The following GRIN2A variants were observed in gnomAD, a reference collection of about 807,000 sequenced individuals.
The protein encoded by GRIN2A is glutamate receptor ionotropic, NMDA 2A.
A neutral mutation model predicts 113.4 loss-of-function variants in GRIN2A; 22 were observed. The ratio of observed to expected loss-of-function variants is 0.19; its 90% CI spans 0.14 to 0.28. The LOEUF (loss-of-function observed/expected upper bound fraction) is 0.28, where lower values mean the gene tolerates loss of function less well. Among genes scored for constraint, GRIN2A ranks in the 10% least tolerant of loss-of-function variants. GRIN2A has a pLI of 1.00. For synonymous variants in GRIN2A, 827 were observed against 738.4 expected, an observed-to-expected ratio of 1.12 and a Z score of -1.94; for missense variants, 1,502 against 1,887.0, an observed-to-expected ratio of 0.80 and a Z score of 3.78.
intron 2 of GRIN2A, among the ~76,000 whole-genome samples, chr16:10,113,102 GC>G (rs78596601): frequency 0.25 from 37,745 of 151,586 alleles, 4,869 homozygotes; most frequent in East Asian, 0.4. Context: ...GCCTGGGGGC[GC>G]CCCCCAGCCC....
At chr16:10,143,561 G>C (rs565779100) in intron 2 of GRIN2A, among the ~76,000 whole-genome samples, 53 of 152,122 alleles carry the variant, frequency 3.5e-4, no homozygotes, top group Non-Finnish European at 4.6e-4. Flanking sequence ...CAATACAGGA[G>C]TTCTTTTAAT....
intron 2 of GRIN2A, among the ~76,000 whole-genome samples, chr16:10,119,184 A>AAG (rs2048784878): frequency 6.6e-6 from 1 of 152,204 alleles, no homozygotes; most frequent in Non-Finnish European, 1.5e-5. Flanking sequence ...GCTAAGGGAA[A>AAG]AAAAGCCCAT....
rs561205619 is a variant in GRIN2A at position 9,930,451 on chromosome 16, GTTCC to G, written c.1007+7504_1007+7507del. ...CATAGCTTTGGGAAAAATGATTTGT[GTTCC>G]TCTGGATTCTCTCACCTCGTATCTC... On this transcript the variant is annotated intron_variant, in intron 3 of 12. Transcript: ENST00000330684. 1.0e-3 allele frequency among the ~76,000 whole-genome samples: 159 copies of G among 152,292 alleles called. 1 individual carries two copies. Among genetic ancestry groups the G allele is most frequent in the Middle Eastern group, 6.8e-3 (2 of 294 alleles).
chr16:9,993,689 C>T (rs959111327), intron 2 of GRIN2A, among the ~76,000 whole-genome samples: 25 of 152,152 alleles, frequency 1.6e-4, no homozygotes, highest in African/African-American at 6.0e-4. Context: ...AACAAAGACA[C>T]AGAGGAAATG....
At chr16:9,911,676 A>G (rs1189452860) in intron 3 of GRIN2A, among the ~76,000 whole-genome samples, 1 of 152,218 alleles carries the variant, frequency 6.6e-6, no homozygotes, top group Non-Finnish European at 1.5e-5. Flanking sequence ...TTGGAAAAAC[A>G]TAGCTCTACA....
At chr16:10,075,043 G>A (rs548247044) in intron 2 of GRIN2A, among the ~76,000 whole-genome samples, 1 of 152,238 alleles carries the variant, frequency 6.6e-6, no homozygotes, top group East Asian at 1.9e-4. Flanking sequence ...ACAGCCCAGT[G>A]TAGGCATTGA....
intron 2 of GRIN2A, among the ~76,000 whole-genome samples, chr16:10,030,382 C>T (rs979657593): frequency 3.3e-5 from 5 of 152,132 alleles, no homozygotes; most frequent in Non-Finnish European, 7.4e-5. Flanking sequence ...TGAGACACTG[C>T]CTCCTTGGAA....
In GRIN2A at chr16:9,870,834, C is replaced by T. The variant is rs193060850; in HGVS notation, c.1122+20152G>A. ...TTGTATTTTAGTAGAGACAGGGTTT[C>T]ACTGTGTTGCCCAGGTTGGTCTCGA... is the stretch of plus-strand genomic sequence containing the variant. On this transcript the variant is annotated intron_variant, in intron 4 of 12. Transcript: ENST00000330684. 1.1e-4 allele frequency among the ~76,000 whole-genome samples: 16 copies of T among 152,134 alleles called. No homozygotes were observed. In the East Asian group the frequency reaches 3.1e-3, roughly 29 times the overall value.
At chr16:9,991,542 C>T (rs1280274901) in intron 2 of GRIN2A, among the ~76,000 whole-genome samples, 2 of 152,206 alleles carry the variant, frequency 1.3e-5, no homozygotes, top group African/African-American at 2.4e-5. Context: ...TCTCATTCTT[C>T]ACCTCCTCCC....
At chr16:10,081,537 C>A (rs2047982897) in intron 2 of GRIN2A, among the ~76,000 whole-genome samples, 1 of 152,172 alleles carries the variant, frequency 6.6e-6, no homozygotes, top group African/African-American at 2.4e-5. Context: ...ATGATTGAGG[C>A]ATTAAGAAAG....
At chr16:9,987,567 C>T (rs1046746986) in intron 2 of GRIN2A, among the ~76,000 whole-genome samples, 8 of 152,186 alleles carry the variant, frequency 5.3e-5, no homozygotes, top group Non-Finnish European at 1.0e-4. Context: ...CAAAAAATAT[C>T]TAGTCAGCTC....
intron 2 of GRIN2A, among the ~76,000 whole-genome samples, chr16:10,011,680 T>C (rs994927496): frequency 1.3e-5 from 2 of 152,102 alleles, no homozygotes; most frequent in Admixed American, 6.6e-5. Flanking sequence ...TGCTAATTAA[T>C]TATTTTTTTT....
In GRIN2A at chr16:9,761,577, T is replaced by C. The variant is rs1281290411; in HGVS notation, c.*1572A>G. The C allele has an allele frequency of 4.4e-6, 1 of 229,022 alleles. No homozygotes were observed. The highest frequency in any genetic ancestry group is 8.7e-6 in the Non-Finnish European group (1 of 115,574). 14.2% of individuals were successfully genotyped at this position (229,022 alleles called of 1,614,324 possible). On this transcript the variant is annotated 3_prime_UTR_variant, in exon 13 of 13. Coordinates refer to ENST00000330684, the MANE Select transcript of GRIN2A (RefSeq NM_001134407.3). ...ATATTATTTGCTGGTTTTATGATAT[T>C]TAATTTTTAAACTAGAAAATCCTGA...
At chr16:10,146,146 C>T (rs1201669013) in intron 2 of GRIN2A, among the ~76,000 whole-genome samples, 1 of 152,100 alleles carries the variant, frequency 6.6e-6, no homozygotes, top group East Asian at 1.9e-4. Flanking sequence ...GAGATGGAGT[C>T]TCGCTCTGTC....
chr16:10,016,368 G>T (rs956387391), intron 2 of GRIN2A, among the ~76,000 whole-genome samples: 1 of 150,912 alleles, frequency 6.6e-6, no homozygotes, highest in African/African-American at 2.4e-5. Flanking sequence ...AACAAGATGG[G>T]GTCAGATCTC....
At position 9,762,991 on chromosome 16, in the gene GRIN2A, A is replaced by C. The variant is rs1848367204; in HGVS notation, c.*158T>G. The C allele has an allele frequency of 5.6e-6, 4 of 709,526 alleles. No homozygotes were observed. The highest frequency in any genetic ancestry group is 5.4e-5 in the South Asian group (3 of 55,536). The allele number at this position is 709,526 out of a possible 1,614,324, so 44.0% of individuals were successfully genotyped here. A position where few individuals can be genotyped will look rare whatever the true frequency, so the allele number is the denominator to read the frequency against. ...GATTCCTTGAGTGGAAGATTATGGCATGAAGCCGTGTGCAAAAGAGCCAAC... is the reference window on the plus strand; with the variant it reads ...GATTCCTTGAGTGGAAGATTATGGCCTGAAGCCGTGTGCAAAAGAGCCAAC... On this transcript the variant is annotated 3_prime_UTR_variant, in exon 13 of 13. Transcript: ENST00000330684.
chr16:9,991,924 T>C (rs558810566), intron 2 of GRIN2A, among the ~76,000 whole-genome samples: 26 of 152,154 alleles, frequency 1.7e-4, no homozygotes, highest in Non-Finnish European at 2.1e-4. Flanking sequence ...AGGGGAGGGA[T>C]AGCATTAGGA....
chr16:9,853,643 T>C (rs193058627), intron 4 of GRIN2A, among the ~76,000 whole-genome samples: 39 of 152,310 alleles, frequency 2.6e-4, no homozygotes, highest in Middle Eastern at 3.4e-3. Flanking sequence ...ATGGCCAGAA[T>C]GGAAAAAGAT....
chr16:10,036,747 G>C (rs1243917330), intron 2 of GRIN2A, among the ~76,000 whole-genome samples: 2 of 151,846 alleles, frequency 1.3e-5, no homozygotes, highest in African/African-American at 4.8e-5. Context: ...TGCCTGGCCA[G>C]TATTATTTTT....
Sources: allele counts gnomAD v4.1 joint callset (sites outside exome capture counted in the v4.1 genomes callset), GRCh38; gene constraint gnomAD v4.1.1; transcripts MANE v1.5; gene names NCBI Gene and HGNC (gene_info 2026-07-23, HGNC 2026-07-21).